MYO3B: variants seen among roughly 807,000 people sequenced by gnomAD.
The protein encoded by MYO3B is myosin IIIB.
Under a neutral mutation model 174.6 loss-of-function variants are expected in MYO3B, and 156 were observed. That is an observed-to-expected ratio of 0.89 (90% CI 0.78 to 1.02). MYO3B has a LOEUF of 1.02. Ranked by LOEUF, MYO3B falls within the 50% of genes least tolerant of loss-of-function variation. The probability of loss-of-function intolerance (pLI) is 0.00; values close to 1 mark genes in which losing one functional copy is unlikely to be tolerated. For synonymous variants in MYO3B, 563 were observed against 569.1 expected, an observed-to-expected ratio of 0.99 and a Z score of 0.15; for missense variants, 1,632 against 1,639.4, an observed-to-expected ratio of 1.00 and a Z score of 0.08.
At chr2:170,268,149 G>T (rs2093398161) in intron 7 of MYO3B, among the ~76,000 whole-genome samples, 1 of 152,178 alleles carries the variant, frequency 6.6e-6, no homozygotes, top group Admixed American at 6.5e-5. Flanking sequence ...GGCAGAGTTT[G>T]CAGTAAAAGA....
At chr2:170,394,617 C>T (rs10169248) in intron 16 of MYO3B, among the ~76,000 whole-genome samples, 4,444 of 152,192 alleles carry the variant, frequency 0.029, 195 homozygotes, top group African/African-American at 0.099. Flanking sequence ...AAATGAATAA[C>T]CAGAATGTAA....
intron 8 of MYO3B, among the ~76,000 whole-genome samples, chr2:170,357,930 A>G (rs2094134465): frequency 6.6e-6 from 1 of 152,224 alleles, no homozygotes. Flanking sequence ...AGGTGGGTGG[A>G]TCACCTGAGG....
chr2:170,578,250 G>C (rs1692917240), intron 32 of MYO3B, among the ~76,000 whole-genome samples: 1 of 152,240 alleles, frequency 6.6e-6, no homozygotes, highest in South Asian at 2.1e-4. Context: ...TTGGGGTCGT[G>C]ATGTCTGGAG....
chr2:170,195,527 G>T (rs150841892), intron 1 of MYO3B, among the ~76,000 whole-genome samples: 1 of 151,940 alleles, frequency 6.6e-6, no homozygotes, highest in Non-Finnish European at 1.5e-5. Context: ...TAAAATCCCC[G>T]CATTCACCAT....
chr2:170,238,734 C>T (rs2093099412), intron 7 of MYO3B, among the ~76,000 whole-genome samples: 1 of 151,492 alleles, frequency 6.6e-6, no homozygotes, highest in African/African-American at 2.4e-5. Flanking sequence ...TGCTGGTTAC[C>T]TGTGAGCCTC....
At chr2:170,211,820 T>C (rs1354246335) in intron 3 of MYO3B, among the ~76,000 whole-genome samples, 1 of 152,068 alleles carries the variant, frequency 6.6e-6, no homozygotes, top group Non-Finnish European at 1.5e-5. Flanking sequence ...CAGGAAGTCA[T>C]GCAAAGCACA....
chr2:170,619,857 C>T (rs1334272847), intron 32 of MYO3B, among the ~76,000 whole-genome samples: 1 of 145,810 alleles, frequency 6.9e-6, no homozygotes, highest in East Asian at 2.1e-4. Flanking sequence ...AGCAATTCTC[C>T]TGCCTCAGCC....
rs533734664 is a variant in MYO3B, at chr2:170,187,745, A to T, written c.2+9456A>T. Among the ~76,000 whole-genome samples the T allele has an allele frequency of 7.2e-5, 11 of 152,268 alleles. No homozygotes were observed. The South Asian group carries it at 2.3e-3, about 32-fold the overall frequency. On this transcript the variant is annotated intron_variant, in intron 1 of 34. Transcript: ENST00000408978. ...ATTGACCCACTGGTGATTCAGGAACATATTGTTTAATTTCCATGTGTTTGT... is the reference window on the plus strand; with the variant it reads ...ATTGACCCACTGGTGATTCAGGAACTTATTGTTTAATTTCCATGTGTTTGT...
At chr2:170,465,670 G>T (rs568634108) in intron 24 of MYO3B, among the ~76,000 whole-genome samples, 14 of 152,316 alleles carry the variant, frequency 9.2e-5, no homozygotes, top group Non-Finnish European at 1.3e-4. Flanking sequence ...TCTGGCTACG[G>T]TTTTTCAGAA....
intron 7 of MYO3B, among the ~76,000 whole-genome samples, chr2:170,295,704 C>T (rs2093624886): frequency 6.6e-6 from 1 of 152,142 alleles, no homozygotes; most frequent in Admixed American, 6.6e-5. Context: ...GATCAAAGTA[C>T]AACCTTAAAT....
At chr2:170,211,483 A>G (rs1011268156) in intron 3 of MYO3B, among the ~76,000 whole-genome samples, 2 of 152,338 alleles carry the variant, frequency 1.3e-5, no homozygotes, top group Middle Eastern at 3.4e-3. Context: ...GCCTCACTTA[A>G]GGTTATTATT....
chr2:170,181,169 G>A (rs1344194558), intron 1 of MYO3B, among the ~76,000 whole-genome samples: 1 of 152,070 alleles, frequency 6.6e-6, no homozygotes, highest in Non-Finnish European at 1.5e-5. Context: ...TATATGTGGT[G>A]TAAGGATAAA....
rs542400456 is a variant in MYO3B, at chr2:170,498,673, A to G, written c.3096A>G (p.Arg1032=). ...ESCVAILEKS[R]LDHWVLGKTK... ...GTGTGGCTATCTTGGAAAAGTCCAG[A>G]TTAGATCACTGGGTACTGGGAAAAA... The change falls in exon 26 of 35, where the codon AGA becomes AGG. Residue 1032 remains arginine (R), a synonymous_variant. Coordinates refer to ENST00000408978, the MANE Select transcript of MYO3B (RefSeq NM_138995.5). 1 of 1,613,528 alleles carries G rather than the reference A, an allele frequency of 6.2e-7. No individual in the cohort carries two copies. The highest frequency in any genetic ancestry group is 1.1e-5 in the South Asian group (1 of 91,048).
chr2:170,191,391 G>A (rs114594779), intron 1 of MYO3B, among the ~76,000 whole-genome samples: 140 of 152,170 alleles, frequency 9.2e-4, no homozygotes, highest in Middle Eastern at 3.4e-3. Context: ...CCAGCACAGC[G>A]TCAGGACTTG....
chr2:170,215,009 C>T (rs901115828), intron 5 of MYO3B, among the ~76,000 whole-genome samples, 181 bp downstream of exon 5: 3 of 152,014 alleles, frequency 2.0e-5, no homozygotes, highest in Non-Finnish European at 2.9e-5. Context: ...ATGCTGTTTG[C>T]TAATCTAGTT....
chr2:170,232,321 G>A (rs950707853), intron 6 of MYO3B, among the ~76,000 whole-genome samples: 1 of 152,194 alleles, frequency 6.6e-6, no homozygotes, highest in African/African-American at 2.4e-5. Context: ...TCCCATTCCA[G>A]GATGTTGACC....
chr2:170,519,764 G>A, intron 30 of MYO3B: 2 of 414,260 alleles, frequency 4.8e-6, no homozygotes, highest in Non-Finnish European at 9.0e-6. Flanking sequence ...CCTGAGGTCA[G>A]GAGTTTGAGA....
intron 32 of MYO3B, among the ~76,000 whole-genome samples, chr2:170,577,508 C>G (rs1050516945): frequency 2.0e-5 from 3 of 152,166 alleles, no homozygotes; most frequent in Non-Finnish European, 4.4e-5. Flanking sequence ...CTACCTTGCA[C>G]GTGAAATCTG....
At chr2:170,356,140 T>G (rs981071105) in intron 8 of MYO3B, among the ~76,000 whole-genome samples, 1 of 151,608 alleles carries the variant, frequency 6.6e-6, no homozygotes, top group African/African-American at 2.4e-5. Flanking sequence ...TTTTTGTATT[T>G]TTACTGGAGA....
Sources: allele counts gnomAD v4.1 joint callset (sites outside exome capture counted in the v4.1 genomes callset), GRCh38; gene constraint gnomAD v4.1.1; transcripts MANE v1.5; gene names NCBI Gene and HGNC (gene_info 2026-07-23, HGNC 2026-07-21).